Variants in TMEM132D observed in about 807,000 individuals in gnomAD.
TMEM132D encodes the protein mature OL transmembrane protein.
Under a neutral mutation model 62.3 loss-of-function variants are expected in TMEM132D, and 21 were observed. That is an observed-to-expected ratio of 0.34 (90% CI 0.24 to 0.49). The LOEUF (loss-of-function observed/expected upper bound fraction) is 0.49. Ranked by LOEUF, TMEM132D falls within the 20% of genes least tolerant of loss-of-function variation. The pLI, the probability that TMEM132D is intolerant of heterozygous loss-of-function variation, is 0.99. For missense variants in TMEM132D, 1,346 were observed against 1,402.8 expected (o/e 0.96, Z 0.65); for synonymous variants, 621 against 575.6 (o/e 1.08, Z -1.13).
chr12:129,602,482 G>C (rs1878506536), intron 2 of TMEM132D, among the ~76,000 whole-genome samples: 1 of 152,082 alleles, frequency 6.6e-6, no homozygotes, highest in African/African-American at 2.4e-5. Flanking sequence ...AAACTGAAAA[G>C]TAGATAAAAA....
intron 5 of TMEM132D, among the ~76,000 whole-genome samples, chr12:129,208,019 G>A (rs879565258): frequency 6.6e-6 from 1 of 152,164 alleles, no homozygotes; most frequent in Non-Finnish European, 1.5e-5. Flanking sequence ...CTTTCAAACT[G>A]CACATCTGTG....
intron 1 of TMEM132D, among the ~76,000 whole-genome samples, chr12:129,861,228 G>A (rs12825897): frequency 0.048 from 7,253 of 152,230 alleles, 210 homozygotes; most frequent in Non-Finnish European, 0.067. Context: ...ATAACTTTGA[G>A]AAAATTATAA....
At chr12:129,266,784 ACCT>A (rs1054400036) in intron 4 of TMEM132D, among the ~76,000 whole-genome samples, 1 of 151,890 alleles carries the variant, frequency 6.6e-6, no homozygotes, top group African/African-American at 2.4e-5. Context: ...ATTAAGATTG[ACCT>A]CCTAAATGCA....
chr12:129,450,986 A>T (rs1472855996), intron 3 of TMEM132D, among the ~76,000 whole-genome samples: 3 of 150,336 alleles, frequency 2.0e-5, no homozygotes, highest in East Asian at 2.0e-4. Context: ...CTTGTCTAGA[A>T]CTCCTGACCT....
At chr12:129,534,430 T>C (rs1876320417) in intron 2 of TMEM132D, among the ~76,000 whole-genome samples, 1 of 150,896 alleles carries the variant, frequency 6.6e-6, no homozygotes. Flanking sequence ...TACATATATA[T>C]ATAAAAATAT....
At chr12:129,334,721 C>T (rs768331647) in intron 4 of TMEM132D, among the ~76,000 whole-genome samples, 4 of 152,200 alleles carry the variant, frequency 2.6e-5, no homozygotes, top group Non-Finnish European at 5.9e-5. Context: ...TCCTGAGTAG[C>T]TGGGACTACA....
intron 1 of TMEM132D, among the ~76,000 whole-genome samples, chr12:129,739,901 T>C (rs1869546147): frequency 6.6e-6 from 1 of 152,230 alleles, no homozygotes. Flanking sequence ...GAGTACCTAC[T>C]TTTCTCCTGG....
chr12:129,316,225 G>A (rs1566031096), intron 4 of TMEM132D, among the ~76,000 whole-genome samples: 1 of 151,942 alleles, frequency 6.6e-6, no homozygotes, highest in Non-Finnish European at 1.5e-5. Context: ...TGCTCCTTAA[G>A]GTGTGACCTT....
At chr12:129,094,342 T>A (rs994710129) in intron 5 of TMEM132D, among the ~76,000 whole-genome samples, 3 of 151,708 alleles carry the variant, frequency 2.0e-5, no homozygotes, top group Admixed American at 6.6e-5. Context: ...CAAGAAAAAA[T>A]CAAACAACCC....
chr12:129,084,759 T>A, intron 5 of TMEM132D, 57 bp from the exon 6 acceptor site: 2 of 1,563,932 alleles, frequency 1.3e-6, no homozygotes, highest in Non-Finnish European at 1.7e-6. Flanking sequence ...TCCCGTTGCA[T>A]GGCCCAAGGA....
At chr12:129,241,259 T>A (rs1195187713) in intron 4 of TMEM132D, among the ~76,000 whole-genome samples, 2 of 151,268 alleles carry the variant, frequency 1.3e-5, no homozygotes, top group Admixed American at 1.3e-4. Context: ...TTGCAAACTA[T>A]CCATCTTACA....
intron 1 of TMEM132D, among the ~76,000 whole-genome samples, chr12:129,835,458 T>C (rs1464830601): frequency 2.0e-5 from 3 of 151,984 alleles, no homozygotes; most frequent in Admixed American, 2.0e-4. Context: ...GTCCGGCTAA[T>C]TGTTTTATTT....
At chr12:129,690,824 A>T (rs1881045710) in intron 2 of TMEM132D, among the ~76,000 whole-genome samples, 1 of 152,186 alleles carries the variant, frequency 6.6e-6, no homozygotes, top group Non-Finnish European at 1.5e-5. Context: ...GATGACCTGA[A>T]CCCACTATCA....
chr12:129,728,604 G>T (rs61945249), intron 1 of TMEM132D, among the ~76,000 whole-genome samples: 21,634 of 152,184 alleles, frequency 0.14, 1,686 homozygotes, highest in South Asian at 0.25. Flanking sequence ...TTTTAATTTT[G>T]GGAGTAAATT....
At chr12:129,742,476 G>T (rs1473631788) in intron 1 of TMEM132D, among the ~76,000 whole-genome samples, 1 of 152,196 alleles carries the variant, frequency 6.6e-6, no homozygotes, top group East Asian at 1.9e-4. Context: ...CCACCTCCAT[G>T]ATCTAAACGT....
chr12:129,525,428 C>T (rs1468074648), intron 3 of TMEM132D, among the ~76,000 whole-genome samples: 1 of 151,638 alleles, frequency 6.6e-6, no homozygotes, highest in Non-Finnish European at 1.5e-5. Flanking sequence ...CTCGGTATAC[C>T]ACTAATGTGA....
At position 129,356,437 on chromosome 12, in the gene TMEM132D, G is replaced by A. The variant is rs558597271; in HGVS notation, c.1116-18620C>T. On this transcript the variant is annotated intron_variant, in intron 3 of 8. Coordinates refer to ENST00000422113, the MANE Select transcript of TMEM132D (RefSeq NM_133448.3). ...CTCCCAAAGTGCTGGGATTACAGGC[G>A]TGAGCCACCGCGCCCGGCCGGGATT... Among the ~76,000 whole-genome samples the A allele has an allele frequency of 1.5e-4, 4 of 26,154 alleles. 2 individuals carry two copies. Among genetic ancestry groups the A allele is most frequent in the South Asian group, 1.9e-3 (2 of 1,052 alleles). 17.2% of individuals were successfully genotyped at this position (26,154 alleles called of 152,430 possible). A position where few individuals can be genotyped will look rare whatever the true frequency, so the allele number is the denominator to read the frequency against.
At chr12:129,300,782 T>C (rs542963520) in intron 4 of TMEM132D, among the ~76,000 whole-genome samples, 2 of 152,304 alleles carry the variant, frequency 1.3e-5, no homozygotes, top group Admixed American at 6.5e-5. Context: ...GAAAATGTAA[T>C]ACAGAAACGA....
intron 2 of TMEM132D, among the ~76,000 whole-genome samples, chr12:129,612,177 C>A (rs1878794329): frequency 6.6e-6 from 1 of 152,154 alleles, no homozygotes; most frequent in Admixed American, 6.5e-5. Context: ...ATGACGGGCC[C>A]TGTAAGTTCT....
Sources: gnomAD v4.1 joint callset for allele counts (sites outside exome capture counted in the v4.1 genomes callset) on GRCh38, gnomAD v4.1.1 for gene constraint, MANE v1.5 for transcripts, NCBI Gene and HGNC (gene_info 2026-07-23, HGNC 2026-07-21) for gene names.